The following PRSS57 variants were observed in gnomAD, a reference collection of about 807,000 sequenced individuals.
PRSS57 encodes neutrophil serine protease 4.
A neutral mutation model predicts 20.6 loss-of-function variants in PRSS57; 19 were observed. The ratio of observed to expected loss-of-function variants is 0.92; its 90% CI spans 0.64 to 1.35. The LOEUF is 1.35. Among genes scored for constraint, PRSS57 ranks in the 40% most tolerant of loss-of-function variants. The pLI is 0.00. For missense variants in PRSS57, 440 were observed against 403.7 expected (o/e 1.09, Z -0.77); for synonymous variants, 203 against 176.6 (o/e 1.15, Z -1.19).
At chr19:690,943 C>A in intron 3 of PRSS57, 1 of 478,090 alleles carries the variant, frequency 2.1e-6, no homozygotes. Context: ...GCTCAAGAAG[C>A]TGCTCATGAT....
In PRSS57 at chr19:691,841, C is replaced by G; in HGVS notation, c.378+17G>C. ...CTCAAAAACTAAACATACGTCAGAT[C>G]CACCCCCGGGGCTCACCCGCAGCAG... On this transcript the variant is annotated intron_variant, in intron 3 of 4. Transcript: ENST00000329267. The G allele has an allele frequency of 7.6e-7, 1 of 1,324,314 alleles. No homozygotes were observed. Among genetic ancestry groups the G allele is most frequent in the Non-Finnish European group, 9.7e-7 (1 of 1,027,056 alleles). The allele number at this position is 1,324,314 out of a possible 1,614,324, so 82.0% of individuals were successfully genotyped here.
intron 2 of PRSS57, among the ~76,000 whole-genome samples, chr19:694,472 G>A (rs2031731865): frequency 6.6e-6 from 1 of 151,456 alleles, no homozygotes; most frequent in Non-Finnish European, 1.5e-5. Flanking sequence ...GGAAGCTGAG[G>A]CAGGAGAATC....
At chr19:692,488 C>A (rs1176236342) in intron 2 of PRSS57, among the ~76,000 whole-genome samples, 1 of 141,922 alleles carries the variant, frequency 7.0e-6, no homozygotes, top group African/African-American at 2.7e-5. Context: ...GCAATCGAGG[C>A]TTACTGCAAC....
chr19:694,950 T>G lies in PRSS57; in HGVS notation c.97A>C (p.Ile33Leu). Residue 33 changes from isoleucine (I) to leucine (L), a missense_variant, in exon 2 of 5, where the codon ATC becomes CTC. Coordinates refer to ENST00000329267, the MANE Select transcript of PRSS57 (RefSeq NM_001308209.2). ...VKPPGSWGAQ[I>L]IGGHEVTPHS... ...GGGGTCACCTCGTGGCCCCCGATGA[T>G]CTGGGCCCCCCAGGAGCCTGCTGGA... is the stretch of plus-strand genomic sequence containing the variant. The G allele has an allele frequency of 6.4e-7, 1 of 1,563,372 alleles. No homozygotes were observed. The highest frequency in any genetic ancestry group is 8.7e-7 in the Non-Finnish European group (1 of 1,155,590).
intron 3 of PRSS57, among the ~76,000 whole-genome samples, chr19:688,193 C>T (rs2031530177): frequency 6.6e-6 from 1 of 152,238 alleles, no homozygotes; most frequent in Admixed American, 6.5e-5. Context: ...GTCTTGGGTT[C>T]ATTCCTGACA....
intron 2 of PRSS57, 136 bp from the exon 3 acceptor site, chr19:692,138 G>A (rs1293036252): frequency 4.5e-6 from 4 of 898,074 alleles, no homozygotes; most frequent in African/African-American, 3.5e-5. Flanking sequence ...GGGAGGGTGA[G>A]GAGGGTGGAT....
At chr19:693,789 G>T (rs576516373) in intron 2 of PRSS57, among the ~76,000 whole-genome samples, 1 of 152,138 alleles carries the variant, frequency 6.6e-6, no homozygotes, top group Non-Finnish European at 1.5e-5. Flanking sequence ...CCCCAGGCTG[G>T]AGTGCAGTGG....
At chr19:694,492 C>T (rs190661532) in intron 2 of PRSS57, among the ~76,000 whole-genome samples, 2 of 149,586 alleles carry the variant, frequency 1.3e-5, no homozygotes, top group African/African-American at 5.0e-5. Context: ...CGCTTGAGCC[C>T]GGGAGGTGGA....
intron 2 of PRSS57, among the ~76,000 whole-genome samples, chr19:694,091 G>T (rs1025904183): frequency 6.6e-6 from 1 of 151,840 alleles, no homozygotes; most frequent in African/African-American, 2.4e-5. Flanking sequence ...GGCCAGGCTG[G>T]TCTCATACTC....
rs759229365 is a variant in PRSS57 at position 694,914 on chromosome 19, G to T, written c.133C>A (p.Pro45Thr). ...CCGAAGCGCACGGATGCCATGTAGG[G>T]CCTGGAGTGGGGGGTCACCTCGTGG... ...GGHEVTPHSR[P>T]YMASVRFGGQ... The change falls in exon 2 of 5, where the codon CCC becomes ACC. Residue 45 changes from proline to threonine, a missense_variant. By Grantham distance (38) the Pro-to-Thr change is conservative. Coordinates refer to ENST00000329267, the MANE Select transcript of PRSS57 (RefSeq NM_001308209.2). 13 of 1,597,180 alleles carry T rather than the reference G, an allele frequency of 8.1e-6. No individual in the cohort carries two copies. Among genetic ancestry groups the T allele is most frequent in the Non-Finnish European group, 1.1e-5 (13 of 1,172,050 alleles).
intron 4 of PRSS57, 103 bp downstream of exon 4, chr19:686,822 C>T: frequency 1.4e-6 from 2 of 1,411,266 alleles, no homozygotes; most frequent in South Asian, 1.4e-5. Context: ...TCTGGTCCAA[C>T]ATCAATGGGA....
chr19:685,997 C>G lies in PRSS57; in HGVS notation c.643-75G>C, dbSNP rs1023871511. ...CACATCTCACCACGGCCCTCCCTGC[C>G]TCAGAACCCTCTGTGGCTCCCTACT... is the stretch of plus-strand genomic sequence containing the variant. On this transcript the variant is annotated intron_variant, in intron 4 of 4. Coordinates refer to ENST00000329267, the MANE Select transcript of PRSS57 (RefSeq NM_001308209.2). 13 of 1,293,216 alleles carry G rather than the reference C, an allele frequency of 1.0e-5. No individual in the cohort carries two copies. The African/African-American group carries it at 1.8e-4, about 18-fold the overall frequency. 80.1% of individuals were successfully genotyped at this position (1,293,216 alleles called of 1,614,324 possible).
At chr19:686,791 C>T (rs10439152) in intron 4 of PRSS57, 134 bp downstream of exon 4, 384,347 of 1,164,108 alleles carry the variant, frequency 0.33, 66,120 homozygotes, top group African/African-American at 0.5. Flanking sequence ...TCCCTGCCTT[C>T]CCTGGGCCTC....
chr19:693,916 A>T (rs2031718874), intron 2 of PRSS57, among the ~76,000 whole-genome samples: 1 of 151,770 alleles, frequency 6.6e-6, no homozygotes, highest in South Asian at 2.1e-4. Flanking sequence ...ATTTTTTTGT[A>T]TTTTTAGTAG....
At chr19:689,137 T>A (rs57994699) in intron 3 of PRSS57, among the ~76,000 whole-genome samples, 15,282 of 87,634 alleles carry the variant, frequency 0.17, 1,133 homozygotes, top group African/African-American at 0.23. Flanking sequence ...GGTTAGCAGG[T>A]GACGACGGTG....
At position 686,979 on chromosome 19, in the gene PRSS57, T is replaced by C; in HGVS notation, c.588A>G (p.Thr196=). Reference sequence around the variant, plus strand: ...CACTGCGGGTGCAGAGCATGGTAAGTGTCAGGTGGCCCTTCCAGGAGCTGT... The same window carrying C: ...CACTGCGGGTGCAGAGCATGGTAAGCGTCAGGTGGCCCTTCCAGGAGCTGT... ...VCNSSWKGHL[T]LTMLCTRSGD... Residue 196 remains threonine, a synonymous_variant, in exon 4 of 5, where the codon ACA becomes ACG. Transcript: ENST00000329267. 1.2e-6 allele frequency: 2 copies of C among 1,614,064 alleles called. No homozygotes were observed. Among genetic ancestry groups the C allele is most frequent in the African/African-American group, 1.3e-5 (1 of 75,040 alleles).
intron 1 of PRSS57, 59 bp from the exon 2 acceptor site, chr19:695,026 G>A (rs1380864002): frequency 5.5e-6 from 8 of 1,444,558 alleles, no homozygotes; most frequent in Middle Eastern, 2.3e-4. Context: ...ACGGGGCTGG[G>A]GTCAGGGCAG....
chr19:689,636 A>G (rs2031581811), intron 3 of PRSS57, among the ~76,000 whole-genome samples: 1 of 152,166 alleles, frequency 6.6e-6, no homozygotes. Flanking sequence ...AACCTAAGTC[A>G]GGCCAGGCGC....
chr19:690,697 C>T (rs1287467934), intron 3 of PRSS57: 2 of 316,518 alleles, frequency 6.3e-6, no homozygotes, highest in South Asian at 6.5e-5. Flanking sequence ...CTGTTCCCAC[C>T]GGGGACTACA....
Sources: allele counts gnomAD v4.1 joint callset (sites outside exome capture counted in the v4.1 genomes callset), GRCh38; gene constraint gnomAD v4.1.1; transcripts MANE v1.5; gene names NCBI Gene and HGNC (gene_info 2026-07-23, HGNC 2026-07-21).